The following PCDHAC1 variants were observed in gnomAD, a reference collection of about 807,000 sequenced individuals.
The protein encoded by PCDHAC1 is protocadherin alpha subfamily C, 1, also known as protocadherin alpha-C1.
In PCDHAC1, 42 loss-of-function variants were observed where a neutral mutation model predicts 60.0. That is an observed-to-expected ratio of 0.70 (90% CI 0.55 to 0.90). The LOEUF is 0.90. Among genes scored for constraint, PCDHAC1 ranks in the 40% least tolerant of loss-of-function variants. The probability of loss-of-function intolerance (pLI) is 0.00; values close to 1 mark genes in which losing one functional copy is unlikely to be tolerated. For synonymous variants in PCDHAC1, 468 were observed against 499.3 expected (o/e 0.94, Z 0.84); for missense variants, 1,160 against 1,222.3 (o/e 0.95, Z 0.76).
intron 1 of PCDHAC1, among the ~76,000 whole-genome samples, chr5:140,961,312 A>G (rs2095603612): frequency 6.6e-6 from 1 of 152,156 alleles, no homozygotes; most frequent in Non-Finnish European, 1.5e-5. Context: ...ATGATTTACC[A>G]GGCTCTGTTT....
rs1314333890 is a variant in PCDHAC1, at chr5:141,000,908, T to TA, written c.2582-8708dup. ...GGGCAACAGATATAGACGCTGTCTCTAAAAAAAAAAATCCTGTGTGATTTA... is the reference window on the plus strand; with the variant it reads ...GGGCAACAGATATAGACGCTGTCTCTAAAAAAAAAAAATCCTGTGTGATTTA... On this transcript the variant is annotated intron_variant, in intron 3 of 3. Coordinates refer to ENST00000253807, the MANE Select transcript of PCDHAC1 (RefSeq NM_018898.5). Among the ~76,000 whole-genome samples the TA allele has an allele frequency of 4.2e-4, 62 of 147,094 alleles. 1 individual carries two copies. Among genetic ancestry groups the TA allele is most frequent in the South Asian group, 3.0e-3 (14 of 4,626 alleles).
intron 1 of PCDHAC1, chr5:140,968,861 C>T (rs139036960): frequency 5.6e-5 from 90 of 1,614,182 alleles, no homozygotes; most frequent in Admixed American, 2.8e-4. Flanking sequence ...TAAGAGCCCT[C>T]GGACATACTC....
chr5:140,995,674 A>AT (rs1240189428), intron 3 of PCDHAC1, among the ~76,000 whole-genome samples: 2 of 152,112 alleles, frequency 1.3e-5, no homozygotes, highest in South Asian at 2.1e-4. Context: ...TAAATGCAGC[A>AT]TTTTTTTTAA....
At chr5:140,967,150 C>G (rs1400431511) in intron 1 of PCDHAC1, 1 of 1,610,886 alleles carries the variant, frequency 6.2e-7, no homozygotes, top group African/African-American at 1.3e-5. Context: ...CGCACAACCC[C>G]GTGGCGGTGA....
rs73793540 is a variant in PCDHAC1, at chr5:140,959,705, G to T, written c.2434-19244G>T. 8.9e-3 allele frequency among the ~76,000 whole-genome samples: 1,358 copies of T among 152,238 alleles called. 14 individuals are homozygous for T. The highest frequency in any genetic ancestry group is 0.032 in the African/African-American group (1,312 of 41,544). On this transcript the variant is annotated intron_variant, in intron 1 of 3. Coordinates refer to ENST00000253807, the MANE Select transcript of PCDHAC1 (RefSeq NM_018898.5). ...AATTTCAATAAAATGAGCTTTGAAA[G>T]GGAAAATTTTTAGATAACATTATCT...
chr5:140,956,243 C>T (rs2095270530), intron 1 of PCDHAC1, among the ~76,000 whole-genome samples: 1 of 152,142 alleles, frequency 6.6e-6, no homozygotes, highest in African/African-American at 2.4e-5. Flanking sequence ...AAGGGGAATG[C>T]TTCCAGGTTT....
Position 140,941,209 on chromosome 5 carries a change from T to TCCTTTCTTTCTTTC in PCDHAC1, c.2433+11884_2433+11885insCCTTTCTTTCTTTC, listed in dbSNP as rs59604197. 5.4e-4 allele frequency among the ~76,000 whole-genome samples: 69 copies of TCCTTTCTTTCTTTC among 126,992 alleles called. 1 individual carries two copies. Among genetic ancestry groups the TCCTTTCTTTCTTTC allele is most frequent in the African/African-American group, 2.2e-3 (68 of 31,202 alleles). The allele number at this position is 126,992 out of a possible 152,430, so 83.3% of individuals were successfully genotyped here. On this transcript the variant is annotated intron_variant, in intron 1 of 3. Coordinates refer to ENST00000253807, the MANE Select transcript of PCDHAC1 (RefSeq NM_018898.5). ...TCTTTTTTTTTCTTTCTTCCTTTCT[T>TCCTTTCTTTCTTTC]TCTTCCTTTCTTTCTTTCTTTCTTT...
chr5:141,000,555 G>A (rs1395458694), intron 3 of PCDHAC1, among the ~76,000 whole-genome samples: 1 of 148,762 alleles, frequency 6.7e-6, no homozygotes, highest in Non-Finnish European at 1.5e-5. Context: ...AAACTCCCGA[G>A]TAGCTGGGAT....
intron 1 of PCDHAC1, among the ~76,000 whole-genome samples, chr5:140,978,306 A>C (rs2096795659): frequency 6.6e-6 from 1 of 152,230 alleles, no homozygotes; most frequent in Non-Finnish European, 1.5e-5. Flanking sequence ...GCACTCAGGA[A>C]GGAGCAGGAA....
rs868965340 is a variant in PCDHAC1, at chr5:141,007,276, G to A, written c.2582-2351G>A. On this transcript the variant is annotated intron_variant, in intron 3 of 3. Transcript: ENST00000253807. ...TAAAAGAAGCAGATACAGGCTGGGT[G>A]CAGTGGGCTCATGCCTGTAATCTTA... Among the ~76,000 whole-genome samples the A allele has an allele frequency of 3.3e-5, 5 of 151,858 alleles. No homozygotes were observed. In the South Asian group the frequency reaches 8.3e-4, roughly 25 times the overall value.
At position 140,926,333 on chromosome 5, in the gene PCDHAC1, C is replaced by A. The variant is rs1244364456; in HGVS notation, c.-560C>A. 3 of 152,288 alleles carry A rather than the reference C, an allele frequency of 2.0e-5. No individual in the cohort carries two copies. Among genetic ancestry groups the A allele is most frequent in the African/African-American group, 7.2e-5 (3 of 41,458 alleles). 9.4% of individuals were successfully genotyped at this position (152,288 alleles called of 1,614,324 possible). ...GGAGAGGTGCGCCGGGGTCAGAGCG[C>A]CGGGACCCGACGCGCGGCTCCCAAA... On this transcript the variant is annotated 5_prime_UTR_variant, in exon 1 of 4. Transcript: ENST00000253807.
Position 140,928,062 on chromosome 5 carries a change from C to G in PCDHAC1, c.1170C>G (p.Ser390=). ...CAGGCCCTTTTCAGCTGACGGCTTC[C>G]TTTGACAACTACTACAGCCTGCTGA... The part of the protein sequence containing the change: ...SSAGPFQLTA[S]FDNYYSLLID... The change falls in exon 1 of 4, where the codon TCC becomes TCG. Residue 390 remains serine, a synonymous_variant. Transcript: ENST00000253807. 6.2e-7 allele frequency: 1 copy of G among 1,614,194 alleles called. No individual in the cohort carries two copies. Among genetic ancestry groups the G allele is most frequent in the Non-Finnish European group, 8.5e-7 (1 of 1,180,042 alleles).
At chr5:140,997,740 C>T (rs568361121) in intron 3 of PCDHAC1, among the ~76,000 whole-genome samples, 3 of 151,924 alleles carry the variant, frequency 2.0e-5, no homozygotes, top group African/African-American at 7.2e-5. Flanking sequence ...ATAGATTTGC[C>T]ACAATCTTCT....
At chr5:140,937,658 A>T (rs1045534345) in intron 1 of PCDHAC1, among the ~76,000 whole-genome samples, 2 of 151,280 alleles carry the variant, frequency 1.3e-5, no homozygotes, top group Non-Finnish European at 2.9e-5. Flanking sequence ...CACGCCTGTA[A>T]TCCCAGCACT....
chr5:140,996,372 G>A (rs898606404), intron 3 of PCDHAC1, among the ~76,000 whole-genome samples: 1 of 152,180 alleles, frequency 6.6e-6, no homozygotes, highest in Non-Finnish European at 1.5e-5. Context: ...TTTTGTTGTC[G>A]GCTGAAATAA....
At position 140,979,482 on chromosome 5, in the gene PCDHAC1, C is replaced by A. The variant is rs568650143; in HGVS notation, c.2492+475C>A. On this transcript the variant is annotated intron_variant, in intron 2 of 3. Coordinates refer to ENST00000253807, the MANE Select transcript of PCDHAC1 (RefSeq NM_018898.5). Reference sequence around the variant, plus strand: ...ATTGATTGCTATTGTTGTTTGTGTTCACACCTATTAGAGCCTCCTCATCTT... The same window carrying A: ...ATTGATTGCTATTGTTGTTTGTGTTAACACCTATTAGAGCCTCCTCATCTT... Among the ~76,000 whole-genome samples, 6 of 152,068 alleles carry A rather than the reference C, an allele frequency of 3.9e-5. No homozygotes were observed. In the South Asian group the frequency reaches 1.0e-3, roughly 26 times the overall value.
rs1554263792 is a variant in PCDHAC1 at position 141,012,059 on chromosome 5, C to T, written c.*2122C>T. 1 of 153,718 alleles carries T rather than the reference C, an allele frequency of 6.5e-6. No individual in the cohort carries two copies. The highest frequency in any genetic ancestry group is 1.5e-5 in the Non-Finnish European group (1 of 68,036). The allele number at this position is 153,718 out of a possible 1,614,324, so 9.5% of individuals were successfully genotyped here. A position where few individuals can be genotyped will look rare whatever the true frequency, so the allele number is the denominator to read the frequency against. ...TGCATGGGGTAAAACTTGTTACCAA[C>T]ACATGTGAACCATTGCTACATTGTA... On this transcript the variant is annotated 3_prime_UTR_variant, in exon 4 of 4. Transcript: ENST00000253807.
At position 140,926,921 on chromosome 5, in the gene PCDHAC1, G is replaced by A. The variant is rs1554203799; in HGVS notation, c.29G>A (p.Cys10Tyr). The change falls in exon 1 of 4, where the codon TGT becomes TAT. Residue 10 changes from cysteine to tyrosine, a missense_variant. Cys to Tyr is a radical substitution (Grantham distance 194). Around this residue, in one of 3 missense-constraint regions of PCDHAC1, gnomAD observed 43 missense variants for 40.4 expected, o/e 1.06. Coordinates refer to ENST00000253807, the MANE Select transcript of PCDHAC1 (RefSeq NM_018898.5). The part of the protein sequence containing the change: MVGCGVAVL[C>Y]LWVSCGAAAG... ...GTGGGCTGTGGGGTGGCAGTTTTATGTTTGTGGGTTTCCTGCGGCGCTGCA... is the reference window on the plus strand; with the variant it reads ...GTGGGCTGTGGGGTGGCAGTTTTATATTTGTGGGTTTCCTGCGGCGCTGCA... 3 of 1,571,110 alleles carry A rather than the reference G, an allele frequency of 1.9e-6. No homozygotes were observed. Among genetic ancestry groups the A allele is most frequent in the African/African-American group, 2.7e-5 (2 of 73,848 alleles).
At chr5:141,006,606 C>T (rs782461917) in intron 3 of PCDHAC1, among the ~76,000 whole-genome samples, 3 of 152,112 alleles carry the variant, frequency 2.0e-5, no homozygotes, top group Non-Finnish European at 4.4e-5. Flanking sequence ...TGGAAGCAGA[C>T]TGAATAAGGA....
Sources: gnomAD v4.1 joint callset for allele counts (sites outside exome capture counted in the v4.1 genomes callset) on GRCh38, gnomAD v4.1.1 for gene constraint, gnomAD v4.1.1 regional missense constraint, MANE v1.5 for transcripts, NCBI Gene and HGNC (gene_info 2026-07-23, HGNC 2026-07-21) for gene names.